The following LRRC4C variants were observed in gnomAD, a reference collection of about 807,000 sequenced individuals.
LRRC4C encodes leucine rich repeat containing 4C.
In LRRC4C, 5 loss-of-function variants were observed where a neutral mutation model predicts 33.6. That is an observed-to-expected ratio of 0.15 (90% confidence interval 0.08 to 0.31). The LOEUF is 0.31. Ranked by LOEUF, LRRC4C falls within the 10% of genes least tolerant of loss-of-function variation. LRRC4C has a pLI of 1.00. For missense variants in LRRC4C, 560 were observed against 796.7 expected (o/e 0.70, Z 3.58); for synonymous variants, 329 against 302.0 (o/e 1.09, Z -0.93).
chr11:40,635,038 T>A (rs1268213228), intron 3 of LRRC4C, among the ~76,000 whole-genome samples: 1 of 152,116 alleles, frequency 6.6e-6, no homozygotes, highest in Admixed American at 6.5e-5. Flanking sequence ...AAAACATGTT[T>A]ACTCTTTGAC....
At chr11:40,173,586 A>G (rs544739592) in intron 5 of LRRC4C, among the ~76,000 whole-genome samples, 12 of 152,206 alleles carry the variant, frequency 7.9e-5, no homozygotes, top group Non-Finnish European at 1.5e-4. Flanking sequence ...AATCCTTCTG[A>G]AGAGTACAAT....
At chr11:40,648,423 A>C (rs1942589517) in intron 2 of LRRC4C, 145 bp from the exon 3 acceptor site, 1 of 152,246 alleles carries the variant, frequency 6.6e-6, no homozygotes, top group African/African-American at 2.4e-5. Flanking sequence ...GTATGATAGA[A>C]AGTAATGGGA....
At chr11:40,784,058 G>A (rs1950317293) in intron 2 of LRRC4C, among the ~76,000 whole-genome samples, 1 of 145,746 alleles carries the variant, frequency 6.9e-6, no homozygotes, top group African/African-American at 2.7e-5. Flanking sequence ...CATTTATCAA[G>A]TTTCTAATGA....
At chr11:40,191,283 A>G (rs1031456416) in intron 5 of LRRC4C, among the ~76,000 whole-genome samples, 5 of 152,180 alleles carry the variant, frequency 3.3e-5, no homozygotes, top group African/African-American at 1.2e-4. Flanking sequence ...TCACCAAGGA[A>G]TTACTTTCCT....
intron 3 of LRRC4C, among the ~76,000 whole-genome samples, chr11:40,509,995 CT>C (rs1329454994): frequency 6.6e-6 from 1 of 151,958 alleles, no homozygotes; most frequent in Non-Finnish European, 1.5e-5. Flanking sequence ...GCTTACTGCA[CT>C]TTAGGTCAGG....
At chr11:40,163,536 A>G (rs1859338680) in intron 5 of LRRC4C, among the ~76,000 whole-genome samples, 1 of 152,166 alleles carries the variant, frequency 6.6e-6, no homozygotes, top group African/African-American at 2.4e-5. Flanking sequence ...AAAAATAATT[A>G]TTTATATATA....
intron 2 of LRRC4C, among the ~76,000 whole-genome samples, chr11:40,807,869 GCACCT>G (rs1554965095): frequency 2.0e-5 from 3 of 152,136 alleles, no homozygotes; most frequent in Non-Finnish European, 4.4e-5. Flanking sequence ...GGACTGATAA[GCACCT>G]TTGCTCTTAA....
chr11:40,288,505 G>C (rs1016409333), intron 4 of LRRC4C, among the ~76,000 whole-genome samples: 1 of 152,124 alleles, frequency 6.6e-6, no homozygotes, highest in African/African-American at 2.4e-5. Flanking sequence ...TCTCTTAAGG[G>C]GAAAACAGGT....
Position 40,860,915 on chromosome 11 carries a change from C to A in LRRC4C, c.-407+72720G>T, listed in dbSNP as rs1468327231. ...AAAATATTTTGGAACTAGAAAGTAG[C>A]AGTGATTGGACAACGTTGTAAAGAT... is the stretch of plus-strand genomic sequence containing the variant. On this transcript the variant is annotated intron_variant, in intron 2 of 6. Transcript: ENST00000528697. Among the ~76,000 whole-genome samples, 3 of 145,840 alleles carry A rather than the reference C, an allele frequency of 2.1e-5. No individual in the cohort carries two copies. In the East Asian group the frequency reaches 6.2e-4, roughly 30 times the overall value.
intron 1 of LRRC4C, among the ~76,000 whole-genome samples, chr11:41,239,111 C>T (rs1363476289): frequency 6.9e-5 from 10 of 144,434 alleles, no homozygotes; most frequent in Non-Finnish European, 1.5e-4. Context: ...GTCAGGAGAT[C>T]GAGACTATCC....
chr11:40,506,451 C>T (rs1434168262), intron 3 of LRRC4C, among the ~76,000 whole-genome samples: 1 of 152,156 alleles, frequency 6.6e-6, no homozygotes, highest in Admixed American at 6.6e-5. Flanking sequence ...AAAACTTCCT[C>T]TGATCAGTGA....
intron 1 of LRRC4C, among the ~76,000 whole-genome samples, chr11:41,159,779 G>C (rs1480266123): frequency 6.6e-6 from 1 of 152,020 alleles, no homozygotes; most frequent in Non-Finnish European, 1.5e-5. Context: ...ATACTGGAAA[G>C]GTCAATCAAA....
intron 3 of LRRC4C, among the ~76,000 whole-genome samples, chr11:40,515,910 A>G (rs1188404804): frequency 3.9e-5 from 6 of 151,988 alleles, no homozygotes; most frequent in Non-Finnish European, 8.8e-5. Context: ...TGTTCATGTG[A>G]TTGATTAAAA....
At chr11:41,178,294 T>G (rs1945290947) in intron 1 of LRRC4C, among the ~76,000 whole-genome samples, 1 of 152,224 alleles carries the variant, frequency 6.6e-6, no homozygotes, top group African/African-American at 2.4e-5. Flanking sequence ...ACAGCTGTCT[T>G]AAATTCACCA....
At chr11:40,935,692 G>A (rs10734490) in intron 1 of LRRC4C, among the ~76,000 whole-genome samples, 53,865 of 151,618 alleles carry the variant, frequency 0.36, 9,701 homozygotes, top group East Asian at 0.47. Context: ...GAATGAAATT[G>A]CCTAATGACA....
intron 2 of LRRC4C, among the ~76,000 whole-genome samples, chr11:40,896,162 AT>A (rs1955930598): frequency 6.6e-6 from 1 of 152,116 alleles, no homozygotes; most frequent in African/African-American, 2.4e-5. Flanking sequence ...ATAATATAGG[AT>A]TTTGCTTAGA....
chr11:40,966,370 G>C (rs1851364956), intron 1 of LRRC4C, among the ~76,000 whole-genome samples: 1 of 151,930 alleles, frequency 6.6e-6, no homozygotes, highest in African/African-American at 2.4e-5. Context: ...TTCTGTTCTT[G>C]CTGGGGAATG....
At chr11:40,682,579 C>T (rs1259222524) in intron 2 of LRRC4C, among the ~76,000 whole-genome samples, 6 of 151,910 alleles carry the variant, frequency 3.9e-5, no homozygotes, top group African/African-American at 1.5e-4. Context: ...AGTTCGAGAC[C>T]AGCCTGGCCC....
intron 3 of LRRC4C, among the ~76,000 whole-genome samples, chr11:40,551,193 G>A (rs1957114992): frequency 6.6e-6 from 1 of 151,836 alleles, no homozygotes; most frequent in Admixed American, 6.6e-5. Flanking sequence ...CAAGAGCTAT[G>A]GTTAAATGGC....
Sources: allele counts gnomAD v4.1 joint callset (sites outside exome capture counted in the v4.1 genomes callset), GRCh38; gene constraint gnomAD v4.1.1; transcripts MANE v1.5; gene names NCBI Gene and HGNC (gene_info 2026-07-23, HGNC 2026-07-21).